RAB38: variants seen among roughly 807,000 people sequenced by gnomAD.
The protein encoded by RAB38 is RAB38, member RAS oncogene family, also known as ras-related protein Rab-38.
RAB38 carries 15 observed loss-of-function variants against 18.4 expected under a neutral mutation model. The observed-to-expected ratio is 0.82, with a 90% CI of 0.55 to 1.26. The LOEUF (loss-of-function observed/expected upper bound fraction) is 1.26. RAB38 is among the 50% of genes most tolerant of loss of function. The pLI is 0.00. For synonymous variants in RAB38, 101 were observed against 104.4 expected (o/e 0.97, Z 0.20); for missense variants, 294 against 267.4 (o/e 1.10, Z -0.69).
chr11:88,030,878 T>C, the RAB38 span, among the ~76,000 whole-genome samples: 20 of 151,906 alleles, frequency 1.3e-4, 1 homozygote, highest in East Asian at 2.7e-3. Flanking sequence ...ACTCATTTTA[T>C]GAGGCCAGCA....
chr11:87,916,473 C>A, the RAB38 span, among the ~76,000 whole-genome samples: 1 of 151,944 alleles, frequency 6.6e-6, no homozygotes. Flanking sequence ...TGAGGGTGCC[C>A]CTTAATTTTG....
At chr11:88,024,391 G>A in the RAB38 span, among the ~76,000 whole-genome samples, 599 of 152,230 alleles carry the variant, frequency 3.9e-3, 3 homozygotes, top group African/African-American at 0.013. Context: ...TATAGCAAAT[G>A]CTGGGGAAGA....
At chr11:88,055,945 G>T in the RAB38 span, among the ~76,000 whole-genome samples, 1 of 152,084 alleles carries the variant, frequency 6.6e-6, no homozygotes. Context: ...GTTGAGCTTT[G>T]TTTTGCTTTG....
chr11:88,032,317 T>C, the RAB38 span, among the ~76,000 whole-genome samples: 1 of 152,214 alleles, frequency 6.6e-6, no homozygotes, highest in Admixed American at 6.5e-5. Context: ...GACATAGGCA[T>C]GGGCAAGGAC....
the RAB38 span, among the ~76,000 whole-genome samples, chr11:88,043,206 T>C: frequency 6.6e-6 from 1 of 152,206 alleles, no homozygotes; most frequent in Non-Finnish European, 1.5e-5. Context: ...TGATCATGCC[T>C]GTTTCCTCAA....
the RAB38 span, among the ~76,000 whole-genome samples, chr11:87,825,197 A>G: frequency 2.0e-5 from 3 of 152,284 alleles, no homozygotes; most frequent in East Asian, 3.9e-4. Flanking sequence ...TCAGACATGC[A>G]TTATCTCCTG....
At chr11:88,076,795 A>G in the RAB38 span, among the ~76,000 whole-genome samples, 1 of 147,380 alleles carries the variant, frequency 6.8e-6, no homozygotes, top group Non-Finnish European at 1.5e-5. Flanking sequence ...TTAAAATACA[A>G]AAAAAAAAAA....
the RAB38 span, among the ~76,000 whole-genome samples, chr11:87,948,500 T>C: frequency 1.3e-5 from 2 of 152,008 alleles, no homozygotes; most frequent in South Asian, 2.1e-4. Flanking sequence ...GCTTCCAGTT[T>C]TTGCCCATTC....
At chr11:87,921,744 G>A in the RAB38 span, among the ~76,000 whole-genome samples, 1 of 151,628 alleles carries the variant, frequency 6.6e-6, no homozygotes. Flanking sequence ...AAGCACTCAG[G>A]AAAAGTTTTA....
chr11:88,086,995 G>A, the RAB38 span, among the ~76,000 whole-genome samples: 1 of 151,860 alleles, frequency 6.6e-6, no homozygotes. Context: ...CGGCAAAAAT[G>A]TCCTATAAGG....
intron 2 of RAB38, among the ~76,000 whole-genome samples, chr11:88,130,716 T>C (rs1244548552): frequency 1.3e-5 from 2 of 152,202 alleles, no homozygotes; most frequent in Admixed American, 1.3e-4. Context: ...CTATTAATTA[T>C]TTAATTACAC....
the RAB38 span, among the ~76,000 whole-genome samples, chr11:87,807,964 A>G: frequency 6.6e-6 from 1 of 152,218 alleles, no homozygotes; most frequent in Non-Finnish European, 1.5e-5. Context: ...TCCCTCTGGC[A>G]TGTCCTATTG....
chr11:88,139,030 C>T (rs867407347), intron 2 of RAB38, among the ~76,000 whole-genome samples: 27 of 152,080 alleles, frequency 1.8e-4, no homozygotes, highest in African/African-American at 5.8e-4. Context: ...ATGATCCACC[C>T]GCCTCCGCCT....
the RAB38 span, among the ~76,000 whole-genome samples, chr11:87,863,431 C>G: frequency 6.6e-6 from 1 of 151,774 alleles, no homozygotes; most frequent in Non-Finnish European, 1.5e-5. Flanking sequence ...AGTATTGTGT[C>G]TCACACTTCA....
the RAB38 span, among the ~76,000 whole-genome samples, chr11:88,070,032 G>A: frequency 2.0e-5 from 3 of 152,206 alleles, no homozygotes; most frequent in South Asian, 4.1e-4. Context: ...GGCTGTCCGA[G>A]TCAGCAGAGG....
intron 2 of RAB38, among the ~76,000 whole-genome samples, chr11:88,130,064 T>C (rs1942748336): frequency 6.6e-6 from 1 of 151,884 alleles, no homozygotes; most frequent in Non-Finnish European, 1.5e-5. Flanking sequence ...AACTGGAAAA[T>C]AGAAATATCT....
the RAB38 span, among the ~76,000 whole-genome samples, chr11:87,923,870 A>G: frequency 6.6e-6 from 1 of 151,738 alleles, no homozygotes; most frequent in African/African-American, 2.4e-5. Flanking sequence ...CAGAGAGAAT[A>G]GTTAACATTT....
At chr11:87,945,020 G>T in the RAB38 span, among the ~76,000 whole-genome samples, 3 of 152,198 alleles carry the variant, frequency 2.0e-5, no homozygotes, top group East Asian at 5.8e-4. Flanking sequence ...GGATGCCTCT[G>T]AACTAGCTAG....
chr11:88,157,356 T>C (rs1441464204), intron 1 of RAB38, among the ~76,000 whole-genome samples: 1 of 152,212 alleles, frequency 6.6e-6, no homozygotes, highest in African/African-American at 2.4e-5. Flanking sequence ...CAAGTACTTC[T>C]AGACCTCTGA....
Sources: allele counts gnomAD v4.1 joint callset (sites outside exome capture counted in the v4.1 genomes callset), GRCh38; gene constraint gnomAD v4.1.1; transcripts MANE v1.5; gene names NCBI Gene and HGNC (gene_info 2026-07-23, HGNC 2026-07-21).